PPIL2: variants seen among roughly 807,000 people sequenced by gnomAD.
PPIL2 encodes RING-type E3 ubiquitin-protein ligase PPIL2.
Under a neutral mutation model 75.2 loss-of-function variants are expected in PPIL2, and 50 were observed. That is an observed-to-expected ratio of 0.66 (90% CI 0.53 to 0.84). The LOEUF (loss-of-function observed/expected upper bound fraction) is 0.84. PPIL2 is among the 40% of genes least tolerant of loss of function. The pLI is 0.00. For synonymous variants in PPIL2, 245 were observed against 258.8 expected (o/e 0.95, Z 0.51); for missense variants, 590 against 685.0 (o/e 0.86, Z 1.55).
rs36131221 is a variant in PPIL2 at position 21,676,243 on chromosome 22, A to AGTGTGTGTGTGTGT, written c.295+1151_295+1164dup. ...GGCTGCCTCCCCTCCTGTGATCAGC[A>AGTGTGTGTGTGTGT]GTGTGTGTGTGTGTGTGTGTGTGTG... is the stretch of plus-strand genomic sequence containing the variant. On this transcript the variant is annotated intron_variant, in intron 6 of 19. Coordinates refer to ENST00000398831, the MANE Select transcript of PPIL2 (RefSeq NM_014337.4). 1.5e-3 allele frequency among the ~76,000 whole-genome samples: 202 copies of AGTGTGTGTGTGTGT among 130,574 alleles called. 4 individuals carry two copies. Among genetic ancestry groups the AGTGTGTGTGTGTGT allele is most frequent in the Non-Finnish European group, 2.4e-3 (145 of 60,684 alleles). 85.7% of individuals were successfully genotyped at this position (130,574 alleles called of 152,430 possible).
At chr22:21,695,284 C>A in intron 19 of PPIL2, 110 bp from the exon 20 acceptor site, 1 of 1,352,446 alleles carries the variant, frequency 7.4e-7, no homozygotes, top group Non-Finnish European at 1.0e-6. Context: ...GATGTGGGAG[C>A]AGCAGGTGGG....
Position 21,695,625 on chromosome 22 carries a change from T to C in PPIL2, c.*135T>C. The stretch of plus-strand genomic sequence containing the variant: ...GCTTGCCTGCTGCCTGCATCCCCTT[T>C]CCTGGCCCCTGGGAGCCCACAGCCT... On this transcript the variant is annotated 3_prime_UTR_variant, in exon 20 of 20. Coordinates refer to ENST00000398831, the MANE Select transcript of PPIL2 (RefSeq NM_014337.4). The C allele has an allele frequency of 6.8e-7, 1 of 1,479,438 alleles. No individual in the cohort carries two copies. Among genetic ancestry groups the C allele is most frequent in the Non-Finnish European group, 9.0e-7 (1 of 1,111,172 alleles). 91.6% of individuals were successfully genotyped at this position (1,479,438 alleles called of 1,614,324 possible). A position where few individuals can be genotyped will look rare whatever the true frequency, so the allele number is the denominator to read the frequency against.
At chr22:21,684,714 G>A in intron 9 of PPIL2, 39 bp from the exon 10 acceptor site, 1 of 1,607,016 alleles carries the variant, frequency 6.2e-7, no homozygotes, top group Non-Finnish European at 8.5e-7. Flanking sequence ...GGAGGCTACT[G>A]GGGGCTCGGC....
intron 2 of PPIL2, 47 bp downstream of exon 2, chr22:21,670,009 G>A: frequency 6.4e-7 from 1 of 1,555,680 alleles, no homozygotes; most frequent in South Asian, 1.1e-5. Flanking sequence ...GTGGTATTAA[G>A]GAACTGTGTC....
At chr22:21,693,709 G>A in intron 15 of PPIL2, 107 bp from the exon 16 acceptor site, 1 of 1,154,936 alleles carries the variant, frequency 8.7e-7, no homozygotes, top group Non-Finnish European at 1.3e-6. Context: ...GGAAGCTGCA[G>A]GTTCCCAGAG....
chr22:21,692,642 T>C (rs2067722761), intron 15 of PPIL2, among the ~76,000 whole-genome samples: 2 of 151,754 alleles, frequency 1.3e-5, no homozygotes, highest in Middle Eastern at 6.8e-3. Context: ...AAGTCCAAAG[T>C]TGGCCAGGTG....
At chr22:21,684,638 C>T (rs909007583) in intron 9 of PPIL2, 115 bp from the exon 10 acceptor site, 59 of 1,329,304 alleles carry the variant, frequency 4.4e-5, no homozygotes, top group Admixed American at 2.3e-4. Flanking sequence ...GGCAGTGGCA[C>T]GGTGCCTGCG....
intron 9 of PPIL2, among the ~76,000 whole-genome samples, chr22:21,684,431 G>A (rs1364767974): frequency 1.8e-5 from 2 of 110,068 alleles, no homozygotes; most frequent in Non-Finnish European, 1.7e-5. Context: ...CAGCCTGGAC[G>A]ATAGAGCGAG....
Position 21,670,666 on chromosome 22 carries a change from A to C in PPIL2, c.128+55A>C. Reference sequence around the variant, plus strand: ...TGTAATTGTTCTCTGATCCTGTCTGATAGTGAATCTGCCCCTTGTGGATGT... The same window carrying C: ...TGTAATTGTTCTCTGATCCTGTCTGCTAGTGAATCTGCCCCTTGTGGATGT... On this transcript the variant is annotated intron_variant, in intron 3 of 19. Coordinates refer to ENST00000398831, the MANE Select transcript of PPIL2 (RefSeq NM_014337.4). 2.0e-6 allele frequency: 3 copies of C among 1,527,568 alleles called. No homozygotes were observed. The South Asian group carries it at 3.4e-5, about 17-fold the overall frequency. 94.6% of individuals were successfully genotyped at this position (1,527,568 alleles called of 1,614,324 possible).
At chr22:21,670,515 T>C in intron 2 of PPIL2, 51 bp from the exon 3 acceptor site, 1 of 1,552,040 alleles carries the variant, frequency 6.4e-7, no homozygotes, top group Non-Finnish European at 8.9e-7. Context: ...TGCACATAGA[T>C]GAAATACTTT....
chr22:21,674,277 CTT>C (rs1364299107), intron 5 of PPIL2, among the ~76,000 whole-genome samples: 1 of 152,180 alleles, frequency 6.6e-6, no homozygotes, highest in Admixed American at 6.5e-5. Flanking sequence ...GTTGTCCAGA[CTT>C]TGTTTTATGG....
chr22:21,684,890 A>C lies in PPIL2; in HGVS notation c.691A>C (p.Lys231Gln). 1 of 1,614,030 alleles carries C rather than the reference A, an allele frequency of 6.2e-7. No homozygotes were observed. Among genetic ancestry groups the C allele is most frequent in the Admixed American group, 1.7e-5 (1 of 60,014 alleles). ...LAATMKAPEKKKVDKLNAAHY... is the reference protein window; with the variant it reads ...LAATMKAPEKQKVDKLNAAHY... Reference sequence around the variant, plus strand: ...AGCCACCATGAAGGCCCCGGAGAAGAAGAAAGTGGACAAGCTGAACGCTGT... The same window carrying C: ...AGCCACCATGAAGGCCCCGGAGAAGCAGAAAGTGGACAAGCTGAACGCTGT... The change falls in exon 10 of 20, where the codon AAG becomes CAG. Residue 231 changes from lysine to glutamine, a missense_variant. Transcript: ENST00000398831.
intron 6 of PPIL2, among the ~76,000 whole-genome samples, chr22:21,676,340 T>TGTGTGTGTGTG (rs1555894901): frequency 2.7e-5 from 4 of 150,876 alleles, no homozygotes; most frequent in Non-Finnish European, 4.4e-5. Flanking sequence ...TGTGTGTGTG[T>TGTGTGTGTGTG]TATTGTTTAT....
At chr22:21,686,236 G>C (rs970430012) in intron 10 of PPIL2, among the ~76,000 whole-genome samples, 1 of 152,192 alleles carries the variant, frequency 6.6e-6, no homozygotes, top group African/African-American at 2.4e-5. Context: ...AGTCCTGTGT[G>C]GTATTTTATC....
At chr22:21,671,136 C>A (rs766131675) in intron 4 of PPIL2, 77 bp downstream of exon 4, 1 of 1,415,746 alleles carries the variant, frequency 7.1e-7, no homozygotes, top group Non-Finnish European at 1.0e-6. Flanking sequence ...CCTTGGTACC[C>A]TTGGGTAGGG....
At chr22:21,685,491 C>A (rs1438336775) in intron 10 of PPIL2, 2 of 356,626 alleles carry the variant, frequency 5.6e-6, no homozygotes, top group Non-Finnish European at 1.1e-5. Context: ...GAGACATGGG[C>A]AGGTAGCTCT....
At chr22:21,677,823 C>A (rs891226792) in intron 6 of PPIL2, among the ~76,000 whole-genome samples, 1 of 152,206 alleles carries the variant, frequency 6.6e-6, no homozygotes, top group African/African-American at 2.4e-5. Context: ...CACCAGAGAG[C>A]AGCTCAGCAG....
chr22:21,675,937 TGCA>T (rs1221018247), intron 6 of PPIL2, among the ~76,000 whole-genome samples: 1 of 152,242 alleles, frequency 6.6e-6, no homozygotes, highest in African/African-American at 2.4e-5. Flanking sequence ...GGATGAGTTG[TGCA>T]GCCCACCCCT....
Position 21,697,055 on chromosome 22 carries a change from C to G in PPIL2, c.*1565C>G. 7 of 1,484,102 alleles carry G rather than the reference C, an allele frequency of 4.7e-6. No homozygotes were observed. The highest frequency in any genetic ancestry group is 6.4e-6 in the Non-Finnish European group (7 of 1,100,498). 91.9% of individuals were successfully genotyped at this position (1,484,102 alleles called of 1,614,324 possible). ...CTGTCTGTGACCATTGGTCGGGCCC[C>G]TGGGCTCTAGAGTGACTTTTGACGC... On this transcript the variant is annotated 3_prime_UTR_variant, in exon 20 of 20. Coordinates refer to ENST00000398831, the MANE Select transcript of PPIL2 (RefSeq NM_014337.4).
Sources: gnomAD v4.1 joint callset for allele counts (sites outside exome capture counted in the v4.1 genomes callset) on GRCh38, gnomAD v4.1.1 for gene constraint, MANE v1.5 for transcripts, NCBI Gene and HGNC (gene_info 2026-07-23, HGNC 2026-07-21) for gene names.